The following FHAD1 variants were observed in gnomAD, a reference collection of about 807,000 sequenced individuals.
FHAD1 encodes forkhead associated phosphopeptide binding domain 1, also known as forkhead-associated domain-containing protein 1.
A neutral mutation model predicts 191.3 loss-of-function variants in FHAD1; 146 were observed. The observed-to-expected ratio is 0.76, with a 90% confidence interval of 0.67 to 0.88. The LOEUF is 0.88. FHAD1 is among the 40% of genes least tolerant of loss of function. The probability of loss-of-function intolerance (pLI) is 0.00; values close to 1 mark genes in which losing one functional copy is unlikely to be tolerated. For synonymous variants in FHAD1, 616 were observed against 672.3 expected, an observed-to-expected ratio of 0.92 and a Z score of 1.29; for missense variants, 1,635 against 1,785.8, an observed-to-expected ratio of 0.92 and a Z score of 1.52.
chr1:15,388,203 T>TTTGCATGCCATGA, intron 32 of FHAD1, 72 bp downstream of exon 32: 13 of 932,134 alleles, frequency 1.4e-5, no homozygotes, highest in Non-Finnish European at 1.7e-5. Flanking sequence ...GCTCATGGCA[T>TTTGCATGCCATGA]GCAAATGCCT....
chr1:15,381,359 C>G lies in FHAD1; in HGVS notation c.3930C>G (p.Asp1310Glu), dbSNP rs1314914994. ...KVNQLRQRDL[D>E]LVFDKITQLK... ...ACCAGCTTCGACAAAGGGACCTCGA[C>G]CTGGTGTTTGATAAGATCACCCAAC... is the stretch of plus-strand genomic sequence containing the variant. The change falls in exon 30 of 34, where the codon GAC (aspartate) becomes GAG (glutamate). Residue 1310 changes from aspartate (D) to glutamate (E), a missense_variant. By Grantham distance (45) the Asp-to-Glu change is conservative. Transcript: ENST00000688493. This position sits in a 1 kb window ranked among gnomAD's most constrained non-coding sequence, Gnocchi z 4.6. 6.4e-7 allele frequency: 1 copy of G among 1,551,818 alleles called. No individual in the cohort carries two copies. The highest frequency in any genetic ancestry group is 8.7e-7 in the Non-Finnish European group (1 of 1,147,012).
intron 28 of FHAD1, among the ~76,000 whole-genome samples, chr1:15,379,830 G>A (rs149902642): frequency 1.2e-3 from 176 of 152,320 alleles, no homozygotes; most frequent in African/African-American, 3.9e-3. Flanking sequence ...CACAGCACAT[G>A]TTTCAGAGAG....
At chr1:15,367,940 G>A (rs559562785) in intron 25 of FHAD1, among the ~76,000 whole-genome samples, 1 of 152,160 alleles carries the variant, frequency 6.6e-6, no homozygotes, top group Non-Finnish European at 1.5e-5. Context: ...ACACAGCAAG[G>A]CTACCTTTGC....
Position 15,347,299 on chromosome 1 carries a change from G to A in FHAD1, c.2347-1743G>A, listed in dbSNP as rs150567515. Among the ~76,000 whole-genome samples, 260 of 152,290 alleles carry A rather than the reference G, an allele frequency of 1.7e-3. 1 individual carries two copies. Among genetic ancestry groups the A allele is most frequent in the Non-Finnish European group, 2.2e-3 (149 of 68,026 alleles). ...TTGAATTTAGAGACTTTGAGGCCAC[G>A]GGGCTCAGGAGATAAATTCAAGCTT... On this transcript the variant is annotated intron_variant, in intron 18 of 33. Transcript: ENST00000688493.
intron 31 of FHAD1, among the ~76,000 whole-genome samples, chr1:15,387,601 T>A (rs1247035544): frequency 6.6e-6 from 1 of 152,042 alleles, no homozygotes; most frequent in East Asian, 1.9e-4. Flanking sequence ...AACAAAAAAA[T>A]TAGCTGGGTG....
At position 15,316,586 on chromosome 1, in the gene FHAD1, GT is replaced by G; in HGVS notation, c.1260+122del. ...AAGCTCTGGGGCTCTGTGCTTGCTT[GT>G]TTAACATAGTCTCATTGCTCTTTGA... On this transcript the variant is annotated intron_variant, in intron 9 of 33. Transcript: ENST00000688493. This position sits in a 1 kb window ranked among gnomAD's most constrained non-coding sequence, Gnocchi z 4.3. 1 of 818,252 alleles carries G rather than the reference GT, an allele frequency of 1.2e-6. No homozygotes were observed. The highest frequency in any genetic ancestry group is 2.0e-6 in the Non-Finnish European group (1 of 511,614). The allele number at this position is 818,252 out of a possible 1,614,324, so 50.7% of individuals were successfully genotyped here. A position where few individuals can be genotyped will look rare whatever the true frequency, so the allele number is the denominator to read the frequency against.
In FHAD1 at chr1:15,313,083, A is replaced by G; in HGVS notation, c.1066A>G (p.Ile356Val). 3 of 1,551,738 alleles carry G rather than the reference A, an allele frequency of 1.9e-6. No homozygotes were observed. Among genetic ancestry groups the G allele is most frequent in the Admixed American group, 2.0e-5 (1 of 51,002 alleles). ...GATGGTGTCATCTTTGCAAAAAGAC[A>G]TATTAGCAAAGGATGAGCAAGTTCA... ...SGMVSSLQKDILAKDEQVQQL... is the reference protein window; with the variant it reads ...SGMVSSLQKDVLAKDEQVQQL... Residue 356 changes from isoleucine to valine, a missense_variant, in exon 8 of 34, where the codon ATA becomes GTA. Coordinates refer to ENST00000688493, the MANE Select transcript of FHAD1 (RefSeq NM_001391957.1).
In FHAD1 at chr1:15,300,370, G is replaced by A. The variant is rs1668368266; in HGVS notation, c.679-835G>A. 2.0e-5 allele frequency among the ~76,000 whole-genome samples: 3 copies of A among 152,168 alleles called. 1 individual carries two copies. In the South Asian group the frequency reaches 6.2e-4, roughly 32 times the overall value. On this transcript the variant is annotated intron_variant, in intron 5 of 33. Coordinates refer to ENST00000688493, the MANE Select transcript of FHAD1 (RefSeq NM_001391957.1). ...CCTCTCATTTATTTTTCATGACTCA[G>A]TTACCTGGAATAAATTTTTATGTGA...
intron 2 of FHAD1, among the ~76,000 whole-genome samples, chr1:15,252,685 C>G (rs1646930882): frequency 6.6e-6 from 1 of 152,204 alleles, no homozygotes; most frequent in Admixed American, 6.5e-5. Context: ...GGCTAGACCT[C>G]TCTTCCTTTC....
At chr1:15,244,578 C>T (rs1477472762), upstream of FHAD1, among the ~76,000 whole-genome samples, 2 of 152,034 alleles carry the variant, frequency 1.3e-5, no homozygotes, top group Non-Finnish European at 2.9e-5. This position sits in a 1 kb window ranked among gnomAD's most constrained non-coding sequence, Gnocchi z 5.1. Flanking sequence ...CATCCTGGGG[C>T]GAGGACAGGT....
At chr1:15,247,454 A>C (rs1780599) in intron 1 of FHAD1, 59 bp downstream of exon 1, 54,536 of 178,298 alleles carry the variant, frequency 0.31, 9,610 homozygotes, top group Non-Finnish European at 0.39. Context: ...GGGGCGGCCC[A>C]GCGAGGACTA....
intron 20 of FHAD1, among the ~76,000 whole-genome samples, chr1:15,356,410 C>G (rs1466482954): frequency 6.6e-6 from 1 of 152,156 alleles, no homozygotes; most frequent in African/African-American, 2.4e-5. Context: ...CTTTACTATT[C>G]CAGGATGAGG....
intron 28 of FHAD1, among the ~76,000 whole-genome samples, chr1:15,377,433 G>T (rs1699927921): frequency 6.6e-6 from 1 of 152,248 alleles, no homozygotes; most frequent in South Asian, 2.1e-4. Flanking sequence ...CCCAAGACGG[G>T]CCTTCCCCTC....
At chr1:15,320,621 G>A (rs1308317930) in intron 10 of FHAD1, among the ~76,000 whole-genome samples, 1 of 152,168 alleles carries the variant, frequency 6.6e-6, no homozygotes, top group Non-Finnish European at 1.5e-5. Context: ...CATTGCTAGA[G>A]ATGTTTTTCC....
At chr1:15,299,199 C>CAAAAAAAAAA (rs35299485) in intron 5 of FHAD1, among the ~76,000 whole-genome samples, 2 of 46,388 alleles carry the variant, frequency 4.3e-5, no homozygotes, top group African/African-American at 1.6e-4. Flanking sequence ...GACCCTGTCT[C>CAAAAAAAAAA]AAAAAAAAAA....
At chr1:15,290,617 A>C (rs912223782) in intron 4 of FHAD1, among the ~76,000 whole-genome samples, 1 of 152,150 alleles carries the variant, frequency 6.6e-6, no homozygotes, top group Non-Finnish European at 1.5e-5. Context: ...CACCGTCATC[A>C]TCAAATGCAC....
At chr1:15,251,263 G>A (rs1212525428) in intron 1 of FHAD1, among the ~76,000 whole-genome samples, 8 of 140,598 alleles carry the variant, frequency 5.7e-5, no homozygotes, top group Non-Finnish European at 1.1e-4. Context: ...GACAAAGTGA[G>A]ACCCTGTCTC....
At position 15,327,245 on chromosome 1, in the gene FHAD1, G is replaced by T. The variant is rs1209000046; in HGVS notation, c.1557+103G>T. On this transcript the variant is annotated intron_variant, in intron 12 of 33. Transcript: ENST00000688493. This position sits in a 1 kb window ranked among gnomAD's most constrained non-coding sequence, Gnocchi z 5.1. ...GGAGCATATGTTTCTGTTTTTGTTGGTGGCATATTTTTCACACTGTTGCTA... is the reference window on the plus strand; with the variant it reads ...GGAGCATATGTTTCTGTTTTTGTTGTTGGCATATTTTTCACACTGTTGCTA... 5.4e-6 allele frequency: 4 copies of T among 742,054 alleles called. No homozygotes were observed. Among genetic ancestry groups the T allele is most frequent in the Non-Finnish European group, 8.9e-6 (4 of 450,198 alleles). The allele number at this position is 742,054 out of a possible 1,614,324, so 46.0% of individuals were successfully genotyped here. A position where few individuals can be genotyped will look rare whatever the true frequency, so the allele number is the denominator to read the frequency against.
At position 15,341,831 on chromosome 1, in the gene FHAD1, G is replaced by T; in HGVS notation, c.2073G>T (p.Arg691Ser). Reference sequence around the variant, plus strand: ...AGAAGGAGAAGCTGAACGAGGAGAGGCTAGAGCAAGAGGAGAAGCTCAAAG... The same window carrying T: ...AGAAGGAGAAGCTGAACGAGGAGAGTCTAGAGCAAGAGGAGAAGCTCAAAG... ...LAEKEKLNEE[R>S]LEQEEKLKAK... Residue 691 changes from arginine (R) to serine (S), a missense_variant, in exon 16 of 34, where the codon AGG (arginine) becomes AGT (serine). By Grantham distance (110) the Arg-to-Ser change is moderately radical (BLOSUM62 -1). Transcript: ENST00000688493. 6.4e-7 allele frequency: 1 copy of T among 1,551,852 alleles called. No individual in the cohort carries two copies. Among genetic ancestry groups the T allele is most frequent in the Non-Finnish European group, 8.7e-7 (1 of 1,146,996 alleles).
Sources: gnomAD v4.1 joint callset for allele counts (sites outside exome capture counted in the v4.1 genomes callset) on GRCh38, gnomAD v4.1.1 for gene constraint, Gnocchi (gnomAD v3.1) non-coding constraint, MANE v1.5 for transcripts, NCBI Gene and HGNC (gene_info 2026-07-23, HGNC 2026-07-21) for gene names.